SGCZ: variants seen among roughly 807,000 people sequenced by gnomAD.
SGCZ encodes the protein sarcoglycan zeta.
Under a neutral mutation model 41.3 loss-of-function variants are expected in SGCZ, and 40 were observed. The ratio of observed to expected loss-of-function variants is 0.97; its 90% confidence interval spans 0.75 to 1.26. SGCZ has a LOEUF of 1.26. Among genes scored for constraint, SGCZ ranks in the 50% most tolerant of loss-of-function variants. The pLI is 0.00. For missense variants in SGCZ, 552 were observed against 369.8 expected, an observed-to-expected ratio of 1.49 and a Z score of -4.04; for synonymous variants, 206 against 137.5, an observed-to-expected ratio of 1.50 and a Z score of -3.49.
At chr8:14,304,874 A>T (rs1232758736) in intron 3 of SGCZ, among the ~76,000 whole-genome samples, 3 of 152,222 alleles carry the variant, frequency 2.0e-5, no homozygotes, top group African/African-American at 7.2e-5. Flanking sequence ...TGGTTACATT[A>T]CAGCAGTAAG....
chr8:14,693,147 T>C (rs1396974146), intron 1 of SGCZ, among the ~76,000 whole-genome samples: 1 of 152,196 alleles, frequency 6.6e-6, no homozygotes, highest in Non-Finnish European at 1.5e-5. Flanking sequence ...TAGATCTATA[T>C]TACATTTGTG....
intron 1 of SGCZ, among the ~76,000 whole-genome samples, chr8:14,760,418 C>A (rs543650696): frequency 6.6e-6 from 1 of 152,186 alleles, no homozygotes; most frequent in East Asian, 1.9e-4. Context: ...AAGTATCCAC[C>A]CTCTTTGTAC....
At chr8:14,849,041 A>G (rs1013739544) in intron 1 of SGCZ, among the ~76,000 whole-genome samples, 4 of 152,188 alleles carry the variant, frequency 2.6e-5, no homozygotes, top group Non-Finnish European at 4.4e-5. Flanking sequence ...TGTTCACCAA[A>G]TAAGGTATAT....
chr8:14,787,440 T>G (rs2130456494), intron 1 of SGCZ, among the ~76,000 whole-genome samples: 1 of 152,124 alleles, frequency 6.6e-6, no homozygotes, highest in South Asian at 2.1e-4. Context: ...ATAAGAAATA[T>G]AATTAGAAAT....
intron 1 of SGCZ, among the ~76,000 whole-genome samples, chr8:14,555,614 A>G (rs941919546): frequency 3.1e-4 from 47 of 152,086 alleles, no homozygotes; most frequent in African/African-American, 1.0e-3. Flanking sequence ...CGTCTCAAAT[A>G]TTTTTTTATA....
chr8:15,136,023 G>A (rs1255679103), intron 1 of SGCZ, among the ~76,000 whole-genome samples: 2 of 152,076 alleles, frequency 1.3e-5, no homozygotes, highest in African/African-American at 4.8e-5. Flanking sequence ...CCATGGAAAG[G>A]GGCAACAGCT....
At chr8:14,186,856 G>A (rs2117036445) in intron 4 of SGCZ, among the ~76,000 whole-genome samples, 1 of 152,332 alleles carries the variant, frequency 6.6e-6, no homozygotes, top group Admixed American at 6.5e-5. Flanking sequence ...TTTAGTGAGA[G>A]AGCCAGGCAA....
chr8:14,873,827 T>A (rs556095926), intron 1 of SGCZ, among the ~76,000 whole-genome samples: 1 of 152,288 alleles, frequency 6.6e-6, no homozygotes, highest in South Asian at 2.1e-4. Flanking sequence ...ATAGGAACCT[T>A]TAAAAATGGA....
intron 3 of SGCZ, among the ~76,000 whole-genome samples, chr8:14,263,683 C>G (rs1001587859): frequency 6.6e-6 from 1 of 152,150 alleles, no homozygotes; most frequent in Non-Finnish European, 1.5e-5. Context: ...AATTTAGCAA[C>G]TATTCAAGTG....
chr8:15,174,204 G>C (rs1285189529), intron 1 of SGCZ, among the ~76,000 whole-genome samples: 1 of 152,150 alleles, frequency 6.6e-6, no homozygotes, highest in East Asian at 1.9e-4. Flanking sequence ...AATAGGACTA[G>C]CGAAACTCAC....
intron 1 of SGCZ, among the ~76,000 whole-genome samples, chr8:14,728,198 G>C (rs1009176056): frequency 6.6e-6 from 1 of 152,084 alleles, no homozygotes; most frequent in African/African-American, 2.4e-5. Flanking sequence ...GCAAACACTT[G>C]AAGTCTGTGT....
intron 1 of SGCZ, among the ~76,000 whole-genome samples, chr8:14,736,922 C>G (rs1023639458): frequency 2.6e-5 from 4 of 151,846 alleles, no homozygotes; most frequent in African/African-American, 9.7e-5. Context: ...GATACTTGCA[C>G]ATGCATGTTT....
intron 1 of SGCZ, among the ~76,000 whole-genome samples, chr8:14,858,657 T>C (rs1397568584): frequency 6.6e-6 from 1 of 152,188 alleles, no homozygotes; most frequent in Admixed American, 6.5e-5. Flanking sequence ...CGTGGTTGCA[T>C]TAAAACCACT....
At chr8:14,756,997 C>T (rs568525044) in intron 1 of SGCZ, among the ~76,000 whole-genome samples, 6 of 152,270 alleles carry the variant, frequency 3.9e-5, no homozygotes, top group African/African-American at 4.8e-5. Flanking sequence ...GTCCCAATCA[C>T]GTCTGAATTT....
chr8:14,205,998 T>C (rs73528719), intron 4 of SGCZ, among the ~76,000 whole-genome samples: 1,963 of 152,238 alleles, frequency 0.013, 51 homozygotes, highest in African/African-American at 0.045. Context: ...AGTTACATAA[T>C]TGATATTTAA....
In SGCZ at chr8:15,138,164, G is replaced by A. The variant is rs117224712; in HGVS notation, c.39+99421C>T. On this transcript the variant is annotated intron_variant, in intron 1 of 7. Transcript: ENST00000382080. ...GCCTTACTGGATTTTGGACTTGCAC[G>A]CAGCCTGTAGCCCCTTGTTTTGGCT... Among the ~76,000 whole-genome samples, 68 of 152,258 alleles carry A rather than the reference G, an allele frequency of 4.5e-4. No homozygotes were observed. In the East Asian group the frequency reaches 9.3e-3, roughly 21 times the overall value.
intron 5 of SGCZ, among the ~76,000 whole-genome samples, chr8:14,163,811 T>C (rs1804122880): frequency 6.6e-6 from 1 of 152,170 alleles, no homozygotes; most frequent in South Asian, 2.1e-4. Flanking sequence ...GCATGAGCTG[T>C]TTCCAAACTC....
At chr8:14,982,116 C>T (rs1043028485) in intron 1 of SGCZ, among the ~76,000 whole-genome samples, 1 of 150,672 alleles carries the variant, frequency 6.6e-6, no homozygotes. Flanking sequence ...CGCCACTGTA[C>T]TCCTGCACTC....
At position 14,824,543 on chromosome 8, in the gene SGCZ, T is replaced by C. The variant is rs1236701155; in HGVS notation, c.40-269617A>G. On this transcript the variant is annotated intron_variant, in intron 1 of 7. Transcript: ENST00000382080. The stretch of plus-strand genomic sequence containing the variant: ...TTGATATGACATCCTATGTTTCTCA[T>C]GCCCTGGCTTCCATAATAAAGACCA... Among the ~76,000 whole-genome samples the C allele has an allele frequency of 2.6e-5, 4 of 152,222 alleles. No individual in the cohort carries two copies. The East Asian group carries it at 5.8e-4, about 22-fold the overall frequency.
Sources: allele counts gnomAD v4.1 joint callset (sites outside exome capture counted in the v4.1 genomes callset), GRCh38; gene constraint gnomAD v4.1.1; transcripts MANE v1.5; gene names NCBI Gene and HGNC (gene_info 2026-07-23, HGNC 2026-07-21).